The following MRAS variants were observed in gnomAD, a reference collection of about 807,000 sequenced individuals.
The protein encoded by MRAS is muscle RAS oncogene homolog.
In MRAS, 4 loss-of-function variants were observed where a neutral mutation model predicts 20.9. That is an observed-to-expected ratio of 0.19 (90% CI 0.09 to 0.44). MRAS has a LOEUF of 0.44. MRAS is among the 20% of genes least tolerant of loss of function. The pLI, the probability that MRAS is intolerant of heterozygous loss-of-function variation, is 0.99. For synonymous variants in MRAS, 98 were observed against 102.9 expected (o/e 0.95, Z 0.29); for missense variants, 154 against 277.5 (o/e 0.56, Z 3.16).
chr3:138,361,740 C>T (rs1044344828), intron 1 of MRAS, among the ~76,000 whole-genome samples: 2 of 152,286 alleles, frequency 1.3e-5, no homozygotes, highest in Admixed American at 1.3e-4. Flanking sequence ...GTCTGGGGAA[C>T]CCCAGAGTGT....
intron 1 of MRAS, among the ~76,000 whole-genome samples, chr3:138,366,418 T>A (rs1339649416): frequency 1.3e-5 from 2 of 152,202 alleles, no homozygotes; most frequent in Non-Finnish European, 2.9e-5. Context: ...TACTTGCAAT[T>A]CAATTGGTGG....
At chr3:138,376,493 G>A (rs1279850954) in intron 2 of MRAS, among the ~76,000 whole-genome samples, 1 of 152,110 alleles carries the variant, frequency 6.6e-6, no homozygotes, top group Non-Finnish European at 1.5e-5. Flanking sequence ...GCTCATAGTA[G>A]CTCCCCAGTA....
At chr3:138,361,851 G>A (rs1439509150) in intron 1 of MRAS, among the ~76,000 whole-genome samples, 7 of 152,276 alleles carry the variant, frequency 4.6e-5, no homozygotes, top group Admixed American at 3.3e-4. Context: ...CTTTCACTGC[G>A]GGTGAGACTG....
At chr3:138,399,563 GTTGA>G (rs1560188899) in intron 4 of MRAS, among the ~76,000 whole-genome samples, 1 of 152,092 alleles carries the variant, frequency 6.6e-6, no homozygotes, top group Non-Finnish European at 1.5e-5. Context: ...CATTTCAAGT[GTTGA>G]TTATTTTTCT....
At chr3:138,379,474 A>G (rs1576366954) in intron 2 of MRAS, among the ~76,000 whole-genome samples, 1 of 148,458 alleles carries the variant, frequency 6.7e-6, no homozygotes, top group Admixed American at 6.8e-5. Flanking sequence ...TCTCCTGCCT[A>G]AGCCTCCCAA....
intron 1 of MRAS, among the ~76,000 whole-genome samples, chr3:138,364,915 A>T (rs2054529597): frequency 6.6e-6 from 1 of 152,180 alleles, no homozygotes; most frequent in Admixed American, 6.5e-5. Flanking sequence ...ACCATCTCCC[A>T]GCTCACTGCT....
At chr3:138,380,266 T>TA (rs1576367875) in intron 2 of MRAS, among the ~76,000 whole-genome samples, 1 of 152,096 alleles carries the variant, frequency 6.6e-6, no homozygotes, top group Non-Finnish European at 1.5e-5. Flanking sequence ...CCTTAAACAC[T>TA]AAGTCCCCAT....
chr3:138,384,082 G>A (rs774980672), intron 2 of MRAS, among the ~76,000 whole-genome samples: 3 of 151,886 alleles, frequency 2.0e-5, no homozygotes, highest in East Asian at 1.9e-4. Context: ...GGAAGCCAGC[G>A]TGTGGAACAA....
chr3:138,361,424 G>T (rs1283781186), intron 1 of MRAS, among the ~76,000 whole-genome samples: 1 of 152,180 alleles, frequency 6.6e-6, no homozygotes, highest in African/African-American at 2.4e-5. Context: ...CTCAGGCCGG[G>T]GGCAGACATG....
chr3:138,401,515 T>G (rs1388119621), intron 5 of MRAS, among the ~76,000 whole-genome samples: 1 of 152,248 alleles, frequency 6.6e-6, no homozygotes, highest in Non-Finnish European at 1.5e-5. Context: ...GCGTAGTGGC[T>G]CATTCCTGTA....
intron 2 of MRAS, among the ~76,000 whole-genome samples, chr3:138,375,220 C>T (rs928762558): frequency 9.2e-5 from 14 of 152,082 alleles, no homozygotes; most frequent in African/African-American, 2.7e-4. Flanking sequence ...AAAATTGCAT[C>T]CCTGGAATAA....
chr3:138,388,293 A>C (rs1312763287), intron 2 of MRAS, among the ~76,000 whole-genome samples: 1 of 152,226 alleles, frequency 6.6e-6, no homozygotes, highest in Non-Finnish European at 1.5e-5. Flanking sequence ...CAACTAAGTG[A>C]CATTATTTTT....
At chr3:138,382,206 T>C (rs1039629925) in intron 2 of MRAS, among the ~76,000 whole-genome samples, 1 of 152,226 alleles carries the variant, frequency 6.6e-6, no homozygotes. Context: ...GCATCAGCCA[T>C]GCTGCTGAAA....
chr3:138,398,248 A>G (rs1396078272), intron 3 of MRAS, among the ~76,000 whole-genome samples: 1 of 152,094 alleles, frequency 6.6e-6, no homozygotes, highest in African/African-American at 2.4e-5. Flanking sequence ...TGGCCTTGCA[A>G]TGGACCTGAG....
intron 2 of MRAS, among the ~76,000 whole-genome samples, chr3:138,376,006 A>G (rs2054776082): frequency 1.3e-5 from 2 of 152,192 alleles, no homozygotes; most frequent in South Asian, 4.1e-4. Flanking sequence ...AAAACAAAAC[A>G]AAAAAACTTT....
At chr3:138,348,500 C>G (rs1195358385), upstream of MRAS, 5 of 152,000 alleles carry the variant, frequency 3.3e-5, no homozygotes, top group Admixed American at 6.6e-5. Flanking sequence ...CCGGGCTCCC[C>G]ACTGGCGCGC....
At chr3:138,389,950 A>AG (rs1560182502) in intron 2 of MRAS, among the ~76,000 whole-genome samples, 2 of 151,216 alleles carry the variant, frequency 1.3e-5, no homozygotes, top group Non-Finnish European at 2.9e-5. Context: ...TGGGTGGAAG[A>AG]GGGGGAGAAG....
At position 138,368,049 on chromosome 3, in the gene MRAS, A is replaced by G. The variant is rs115308572; in HGVS notation, c.-18-4817A>G. Among the ~76,000 whole-genome samples, 1,389 of 152,366 alleles carry G rather than the reference A, an allele frequency of 9.1e-3. 7 individuals carry two copies. Among genetic ancestry groups the G allele is most frequent in the Non-Finnish European group, 0.014 (935 of 68,034 alleles). On this transcript the variant is annotated intron_variant, in intron 1 of 5. Transcript: ENST00000423968. ...CGGGGCCCTGGGAGCAGTGGTTGCC[A>G]TGGGAACCAGTTCAGCCGCCCCCAC...
rs1249604606 is a variant in MRAS at position 138,402,505 on chromosome 3, G to A, written c.*236G>A. 3 of 469,866 alleles carry A rather than the reference G, an allele frequency of 6.4e-6. No individual in the cohort carries two copies. The highest frequency in any genetic ancestry group is 1.1e-5 in the Non-Finnish European group (3 of 266,126). 29.1% of individuals were successfully genotyped at this position (469,866 alleles called of 1,614,324 possible). On this transcript the variant is annotated 3_prime_UTR_variant, in exon 6 of 6. Transcript: ENST00000423968. ...ACCTGTAAGCAGAAGCAGCATCCAA[G>A]TGCCCCTGGCCCCCCCATGTGTTGA...
Sources: allele counts gnomAD v4.1 joint callset (sites outside exome capture counted in the v4.1 genomes callset), GRCh38; gene constraint gnomAD v4.1.1; transcripts MANE v1.5; gene names NCBI Gene and HGNC (gene_info 2026-07-23, HGNC 2026-07-21).